GNA15: variants seen among roughly 807,000 people sequenced by gnomAD.
GNA15 encodes G protein subunit alpha 15.
A neutral mutation model predicts 40.1 loss-of-function variants in GNA15; 23 were observed. The observed-to-expected ratio is 0.57, with a 90% CI of 0.41 to 0.81. GNA15 has a LOEUF of 0.81. Among genes scored for constraint, GNA15 ranks in the 40% least tolerant of loss-of-function variants. The probability of loss-of-function intolerance (pLI) is 0.00; values close to 1 mark genes in which losing one functional copy is unlikely to be tolerated. For missense variants in GNA15, 522 were observed against 515.8 expected (o/e 1.01, Z -0.12); for synonymous variants, 226 against 210.4 (o/e 1.07, Z -0.64).
chr19:3,150,175 C>A lies in GNA15; in HGVS notation c.375C>A (p.Thr125=), dbSNP rs1409585367. ...LVMSQDPYKV[T]TFEKRYAAAM... ...TGAGCCAGGACCCCTATAAAGTGAC[C>A]ACGTTTGAGAAGCGCTACGCTGCGG... is the stretch of plus-strand genomic sequence containing the variant. Residue 125 remains threonine (T), a synonymous_variant, in exon 3 of 7, where the codon ACC becomes ACA. Transcript: ENST00000262958. The A allele has an allele frequency of 6.2e-6, 10 of 1,613,420 alleles. No individual in the cohort carries two copies. Among genetic ancestry groups the A allele is most frequent in the Non-Finnish European group, 8.5e-6 (10 of 1,179,872 alleles).
chr19:3,155,966 TC>T lies in GNA15; in HGVS notation c.744+17del. The T allele has an allele frequency of 4.3e-6, 7 of 1,612,258 alleles. No individual in the cohort carries two copies. The highest frequency in any genetic ancestry group is 5.9e-6 in the Non-Finnish European group (7 of 1,178,856). ...AACAACCAGGAGGTGCGCCACCGCC[TC>T]CCTCGCCCTGCCCACTTGTTGGCCC... On this transcript the variant is annotated intron_variant, in intron 5 of 6. Transcript: ENST00000262958. The surrounding 1 kb of genome is among the most constrained non-coding windows in gnomAD (Gnocchi z 5.6).
chr19:3,144,005 T>A (rs1682798), intron 1 of GNA15, among the ~76,000 whole-genome samples: 29,285 of 151,036 alleles, frequency 0.19, 3,320 homozygotes, highest in African/African-American at 0.31. Context: ...GCGCCTGTCG[T>A]CCCAGCTGCT....
At chr19:3,140,095 T>C (rs142272547) in intron 1 of GNA15, among the ~76,000 whole-genome samples, 121 of 103,460 alleles carry the variant, frequency 1.2e-3, no homozygotes, top group Non-Finnish European at 1.9e-3. Flanking sequence ...ATATTTGACA[T>C]ATTAATGTGT....
At chr19:3,150,326 G>T (rs758657663) in intron 3 of GNA15, 41 bp downstream of exon 3, 2 of 1,492,248 alleles carry the variant, frequency 1.3e-6, no homozygotes, top group South Asian at 2.6e-5. Flanking sequence ...GTGGGGAGGG[G>T]CTGAGGGCAG....
At position 3,136,638 on chromosome 19, in the gene GNA15, G is replaced by T. The variant is rs777860419; in HGVS notation, c.145+43G>T. ...GGGCGGTGGGTGGTGGGCAGTGGGC[G>T]GTGGCCAGCCGGCAGGGGTGTCGGG... On this transcript the variant is annotated intron_variant, in intron 1 of 6. Coordinates refer to ENST00000262958, the MANE Select transcript of GNA15 (RefSeq NM_002068.4). The surrounding 1 kb of genome is among the most constrained non-coding windows in gnomAD (Gnocchi z 4.9). The T allele has an allele frequency of 7.2e-6, 11 of 1,525,870 alleles. No homozygotes were observed. The highest frequency in any genetic ancestry group is 1.4e-5 in the African/African-American group (1 of 72,128). 94.5% of individuals were successfully genotyped at this position (1,525,870 alleles called of 1,614,324 possible).
intron 1 of GNA15, among the ~76,000 whole-genome samples, chr19:3,148,080 T>TTTG (rs1266964294): frequency 1.3e-5 from 2 of 151,754 alleles, no homozygotes; most frequent in African/African-American, 4.8e-5. Context: ...GTTTTGTTTT[T>TTTG]TTTGTTTGTT....
chr19:3,150,386 G>A (rs1199678591), intron 3 of GNA15, 101 bp downstream of exon 3: 3 of 1,018,040 alleles, frequency 2.9e-6, no homozygotes, highest in Non-Finnish European at 4.2e-6. Flanking sequence ...GGGCGCAGAT[G>A]GGCTGTGAGG....
At chr19:3,153,881 A>G (rs2144857397) in intron 4 of GNA15, among the ~76,000 whole-genome samples, 1 of 148,796 alleles carries the variant, frequency 6.7e-6, no homozygotes, top group South Asian at 2.2e-4. Flanking sequence ...GGATGAATGG[A>G]TGAGTGGATG....
rs577255358 is a variant in GNA15, at chr19:3,157,587, G to A, written c.745-141G>A. The A allele has an allele frequency of 1.2e-3, 842 of 680,742 alleles. 12 individuals are homozygous for A. Among genetic ancestry groups the A allele is most frequent in the South Asian group, 8.9e-3 (473 of 53,104 alleles). The allele number at this position is 680,742 out of a possible 1,614,324, so 42.2% of individuals were successfully genotyped here. On this transcript the variant is annotated intron_variant, in intron 5 of 6. Coordinates refer to ENST00000262958, the MANE Select transcript of GNA15 (RefSeq NM_002068.4). ...CAGGCAGCTGTCCATATGGAAACAC[G>A]GGCACACCCGCCTCAGCCCCAGCCA...
chr19:3,162,898 G>A lies in GNA15; in HGVS notation c.1004G>A (p.Arg335Gln). Reference protein sequence around the residue: ...DGPEGSKKGARSRRLFSHYTC... With the variant: ...DGPEGSKKGAQSRRLFSHYTC... ...CCCGAGGGCAGCAAGAAGGGCGCAC[G>A]ATCCCGACGCCTCTTCAGCCACTAC... Residue 335 changes from arginine (R) to glutamine (Q), a missense_variant, in exon 7 of 7, where the codon CGA becomes CAA. By Grantham distance (43) the Arg-to-Gln change is conservative. Transcript: ENST00000262958. 1 of 1,613,856 alleles carries A rather than the reference G, an allele frequency of 6.2e-7. No individual in the cohort carries two copies. Among genetic ancestry groups the A allele is most frequent in the Non-Finnish European group, 8.5e-7 (1 of 1,179,780 alleles).
rs565689876 is a variant in GNA15 at position 3,155,672 on chromosome 19, C to T, written c.615-151C>T. The T allele has an allele frequency of 9.5e-5, 81 of 852,394 alleles. No individual in the cohort carries two copies. Among genetic ancestry groups the T allele is most frequent in the Non-Finnish European group, 1.3e-4 (74 of 550,852 alleles). 52.8% of individuals were successfully genotyped at this position (852,394 alleles called of 1,614,324 possible). On this transcript the variant is annotated intron_variant, in intron 4 of 6. Transcript: ENST00000262958. This position sits in a 1 kb window ranked among gnomAD's most constrained non-coding sequence, Gnocchi z 5.6. ...ATGGGCGTAAGACTCATCCTTGCCT[C>T]GCGGGAATGACATGGCAAATCCACG...
intron 2 of GNA15, 87 bp from the exon 3 acceptor site, chr19:3,150,044 G>A: frequency 2.6e-6 from 3 of 1,146,100 alleles, no homozygotes; most frequent in East Asian, 2.5e-5. Flanking sequence ...GTGTTTCAGG[G>A]AGGGACGTGG....
intron 1 of GNA15, chr19:3,143,111 A>T (rs1387073051): frequency 6.6e-6 from 1 of 151,928 alleles, no homozygotes; most frequent in Non-Finnish European, 1.5e-5. Context: ...GACTCACACG[A>T]CCCCAAGTTT....
intron 6 of GNA15, among the ~76,000 whole-genome samples, chr19:3,160,261 C>T (rs1456105714): frequency 1.3e-5 from 2 of 152,078 alleles, no homozygotes; most frequent in East Asian, 3.8e-4. Context: ...CTCTCTGTGT[C>T]TCTCCCTGCC....
rs1184894264 is a variant in GNA15, at chr19:3,157,775, A to G, written c.792A>G (p.Leu264=). 8 of 1,613,738 alleles carry G rather than the reference A, an allele frequency of 5.0e-6. No homozygotes were observed. The highest frequency in any genetic ancestry group is 3.3e-5 in the South Asian group (3 of 91,070). ...SLALFGTILE[L]PWFKSTSVIL... is the part of the protein sequence containing the mutation. Reference sequence around the variant, plus strand: ...CATTGTTTGGGACTATCCTGGAACTACCCTGGTTCAAAAGCACATCCGTCA... The same window carrying G: ...CATTGTTTGGGACTATCCTGGAACTGCCCTGGTTCAAAAGCACATCCGTCA... The change falls in exon 6 of 7, where the codon CTA becomes CTG. Residue 264 remains leucine (L), a synonymous_variant. Coordinates refer to ENST00000262958, the MANE Select transcript of GNA15 (RefSeq NM_002068.4).
intron 5 of GNA15, among the ~76,000 whole-genome samples, chr19:3,156,196 A>G (rs1396438055): frequency 1.2e-5 from 1 of 84,468 alleles, no homozygotes; most frequent in Non-Finnish European, 2.7e-5. Context: ...ACACACACAC[A>G]CACACACTAC....
At chr19:3,154,685 A>G (rs1914969902) in intron 4 of GNA15, among the ~76,000 whole-genome samples, 1 of 142,532 alleles carries the variant, frequency 7.0e-6, no homozygotes, top group Non-Finnish European at 1.5e-5. Flanking sequence ...ATAGATGGGT[A>G]GATGGATAGA....
In GNA15 at chr19:3,150,255, G is replaced by A; in HGVS notation, c.455G>A (p.Arg152Gln). The stretch of plus-strand genomic sequence containing the variant: ...ATCCGGGCCTGCTATGAGCGTCGGC[G>A]GGAATTCCACCTGCTCGATTCAGCC... ...AGIRACYERR[R>Q]EFHLLDSAVY... Residue 152 changes from arginine (R) to glutamine (Q), a missense_variant, in exon 3 of 7, where the codon CGG becomes CAG. Transcript: ENST00000262958. 3.1e-6 allele frequency: 5 copies of A among 1,604,904 alleles called. No individual in the cohort carries two copies. Among genetic ancestry groups the A allele is most frequent in the East Asian group, 4.5e-5 (2 of 44,676 alleles).
chr19:3,142,917 A>T (rs1408051752), intron 1 of GNA15: 4 of 151,852 alleles, frequency 2.6e-5, no homozygotes, highest in African/African-American at 9.7e-5. Context: ...GAAGAAGAAG[A>T]TCTGAGGGTT....
Sources: allele counts gnomAD v4.1 joint callset (sites outside exome capture counted in the v4.1 genomes callset), GRCh38; gene constraint gnomAD v4.1.1; non-coding constraint Gnocchi (gnomAD v3.1); transcripts MANE v1.5; gene names NCBI Gene and HGNC (gene_info 2026-07-23, HGNC 2026-07-21).